G2E3: variants seen among roughly 807,000 people sequenced by gnomAD.
G2E3 encodes the protein G2/M-phase specific E3 ubiquitin protein ligase.
In G2E3, 35 loss-of-function variants were observed where a neutral mutation model predicts 92.8. The observed-to-expected ratio is 0.38, with a 90% confidence interval of 0.29 to 0.50. G2E3 has a LOEUF of 0.50. G2E3 is among the 20% of genes least tolerant of loss of function. The pLI is 0.94. For missense variants in G2E3, 554 were observed against 823.8 expected, an observed-to-expected ratio of 0.67 and a Z score of 4.01; for synonymous variants, 242 against 272.4, an observed-to-expected ratio of 0.89 and a Z score of 1.10.
At chr14:30,585,935 A>AT (rs1057086062) in intron 2 of G2E3, among the ~76,000 whole-genome samples, 18 of 152,166 alleles carry the variant, frequency 1.2e-4, no homozygotes, top group African/African-American at 4.1e-4. Context: ...TCCAGTTATT[A>AT]TGCAGAAGGT....
At chr14:30,609,882 G>A (rs1369880026) in intron 12 of G2E3, among the ~76,000 whole-genome samples, 1 of 151,966 alleles carries the variant, frequency 6.6e-6, no homozygotes, top group African/African-American at 2.4e-5. Context: ...CTGACTTATT[G>A]TCAACCTTTC....
At chr14:30,589,574 T>C in intron 4 of G2E3, 90 bp downstream of exon 4, 1 of 689,744 alleles carries the variant, frequency 1.4e-6, no homozygotes, top group Non-Finnish European at 2.5e-6. Flanking sequence ...TAGAAATTTA[T>C]GACTTTGATT....
intron 1 of G2E3, among the ~76,000 whole-genome samples, chr14:30,560,995 G>A (rs1377301296): frequency 6.6e-6 from 1 of 152,198 alleles, no homozygotes; most frequent in African/African-American, 2.4e-5. Flanking sequence ...TGGGCAAGCT[G>A]TTTAACCTCT....
intron 6 of G2E3, among the ~76,000 whole-genome samples, chr14:30,595,818 T>C (rs1268554401): frequency 2.0e-5 from 3 of 152,162 alleles, no homozygotes; most frequent in Non-Finnish European, 2.9e-5. Context: ...ACAAATAATA[T>C]ACATTGGGAT....
At chr14:30,610,909 A>G (rs1882058378) in intron 12 of G2E3, among the ~76,000 whole-genome samples, 1 of 152,220 alleles carries the variant, frequency 6.6e-6, no homozygotes, top group Non-Finnish European at 1.5e-5. Context: ...CTTTCACGCT[A>G]CAGTGGCAGA....
Position 30,618,032 on chromosome 14 carries a change from C to T in G2E3, c.*1498C>T, listed in dbSNP as rs1022263121. On this transcript the variant is annotated 3_prime_UTR_variant, in exon 15 of 15. Coordinates refer to ENST00000206595, the MANE Select transcript of G2E3 (RefSeq NM_017769.5). ...TCACCCTTCTTAAGAAAAATCATTA[C>T]ATTATTGATATTTTTTAAGTAACAG... 3 of 151,990 alleles carry T rather than the reference C, an allele frequency of 2.0e-5. No homozygotes were observed. Among genetic ancestry groups the T allele is most frequent in the African/African-American group, 7.2e-5 (3 of 41,416 alleles). 9.4% of individuals were successfully genotyped at this position (151,990 alleles called of 1,614,324 possible). A position where few individuals can be genotyped will look rare whatever the true frequency, so the allele number is the denominator to read the frequency against.
In G2E3 at chr14:30,601,214, C is replaced by G. The variant is rs540266673; in HGVS notation, c.753-556C>G. 3.3e-5 allele frequency among the ~76,000 whole-genome samples: 5 copies of G among 152,248 alleles called. No individual in the cohort carries two copies. The South Asian group carries it at 6.2e-4, about 19-fold the overall frequency. On this transcript the variant is annotated intron_variant, in intron 8 of 14. Transcript: ENST00000206595. ...CTACACTACAGCCCACACTTGTAGT[C>G]ATGGAGAAAATATGAATATGGACTG...
intron 10 of G2E3, among the ~76,000 whole-genome samples, chr14:30,603,750 T>C (rs1157382700): frequency 6.6e-6 from 1 of 152,096 alleles, no homozygotes; most frequent in African/African-American, 2.4e-5. Flanking sequence ...GAGGCTGAGG[T>C]GGGAGGATCA....
intron 1 of G2E3, among the ~76,000 whole-genome samples, chr14:30,572,198 C>T (rs1879805801): frequency 6.6e-6 from 1 of 152,078 alleles, no homozygotes; most frequent in South Asian, 2.1e-4. Flanking sequence ...TGTTTCATTA[C>T]AACTTGTTAA....
At chr14:30,570,764 G>C (rs1332170597) in intron 1 of G2E3, among the ~76,000 whole-genome samples, 1 of 152,040 alleles carries the variant, frequency 6.6e-6, no homozygotes, top group Non-Finnish European at 1.5e-5. Flanking sequence ...AGGTTTTTCT[G>C]TGTTTCTAGG....
At position 30,613,494 on chromosome 14, in the gene G2E3, A is replaced by G. The variant is rs184957378; in HGVS notation, c.1673+1115A>G. Among the ~76,000 whole-genome samples the G allele has an allele frequency of 5.9e-4, 90 of 152,168 alleles. 3 individuals carry two copies. Among genetic ancestry groups the G allele is most frequent in the Admixed American group, 5.5e-3 (84 of 15,292 alleles). On this transcript the variant is annotated intron_variant, in intron 13 of 14. Coordinates refer to ENST00000206595, the MANE Select transcript of G2E3 (RefSeq NM_017769.5). Reference sequence around the variant, plus strand: ...TGGTCTTTGTAAGCTTTTTTGCTATATGGTATCACAAGGTGTTTCAGACTC... The same window carrying G: ...TGGTCTTTGTAAGCTTTTTTGCTATGTGGTATCACAAGGTGTTTCAGACTC...
At position 30,618,831 on chromosome 14, in the gene G2E3, T is replaced by C. The variant is rs1203345265; in HGVS notation, c.*2297T>C. 6.6e-6 allele frequency: 1 copy of C among 152,096 alleles called. No homozygotes were observed. Among genetic ancestry groups the C allele is most frequent in the African/African-American group, 2.4e-5 (1 of 41,462 alleles). 9.4% of individuals were successfully genotyped at this position (152,096 alleles called of 1,614,324 possible). A position where few individuals can be genotyped will look rare whatever the true frequency, so the allele number is the denominator to read the frequency against. On this transcript the variant is annotated 3_prime_UTR_variant, in exon 15 of 15. Transcript: ENST00000206595. ...TGGTATTATAATTGTTCTTTTCTTA[T>C]TAATTTTATAACCAGTGCATAATTC...
intron 8 of G2E3, among the ~76,000 whole-genome samples, chr14:30,599,477 T>C (rs960375585): frequency 2.6e-5 from 4 of 152,184 alleles, no homozygotes; most frequent in African/African-American, 9.7e-5. Context: ...TCTGCCCGCC[T>C]CGGCCTCCCA....
intron 1 of G2E3, among the ~76,000 whole-genome samples, chr14:30,561,444 G>C (rs1369644686): frequency 6.6e-6 from 1 of 151,982 alleles, no homozygotes; most frequent in Non-Finnish European, 1.5e-5. Context: ...TCTTAGCTTT[G>C]CTTTTTATTT....
intron 6 of G2E3, 59 bp downstream of exon 6, chr14:30,593,698 T>C: frequency 8.4e-7 from 1 of 1,192,434 alleles, no homozygotes; most frequent in Non-Finnish European, 1.2e-6. Flanking sequence ...CTTGCTGATT[T>C]AAATTTTAAA....
intron 1 of G2E3, among the ~76,000 whole-genome samples, chr14:30,569,364 A>G (rs764608086): frequency 5.3e-4 from 81 of 152,140 alleles, no homozygotes; most frequent in Non-Finnish European, 1.1e-3. Flanking sequence ...TATCATCTCC[A>G]TTGGACACAA....
chr14:30,601,875 G>A lies in G2E3; in HGVS notation c.858G>A (p.Arg286=), dbSNP rs770967781. The A allele has an allele frequency of 1.6e-4, 252 of 1,613,108 alleles. No homozygotes were observed. Among genetic ancestry groups the A allele is most frequent in the Non-Finnish European group, 2.1e-4 (245 of 1,179,322 alleles). ...WEQNWECLEC[R]GIIYNSGEFQ... is the part of the protein sequence containing the mutation. ...AAAATTGGGAGTGTTTGGAATGTAG[G>A]GGTATTATCTACAATTCAGGTAATT... The change falls in exon 9 of 15, where the codon AGG becomes AGA. Residue 286 remains arginine, a synonymous_variant. Coordinates refer to ENST00000206595, the MANE Select transcript of G2E3 (RefSeq NM_017769.5).
chr14:30,605,600 C>A lies in G2E3; in HGVS notation c.1106C>A (p.Ala369Asp). The part of the protein sequence containing the change: ...KKTKRLYINK[A>D]NIWNSALDAF... ...ACTAAAAGATTGTATATCAACAAAG[C>A]CAATATCTGGAATAGTGCCTTAGAT... Residue 369 changes from alanine (A) to aspartate (D), a missense_variant, in exon 11 of 15, where the codon GCC becomes GAC. Ala to Asp is a moderately radical substitution (Grantham distance 126). Transcript: ENST00000206595. The A allele has an allele frequency of 1.9e-6, 3 of 1,559,332 alleles. No individual in the cohort carries two copies. The highest frequency in any genetic ancestry group is 2.6e-6 in the Non-Finnish European group (3 of 1,135,272).
At position 30,616,761 on chromosome 14, in the gene G2E3, A is replaced by G. The variant is rs1365510126; in HGVS notation, c.*227A>G. The G allele has an allele frequency of 1.3e-5, 5 of 379,616 alleles. No homozygotes were observed. Among genetic ancestry groups the G allele is most frequent in the South Asian group, 1.2e-4 (3 of 25,648 alleles). The allele number at this position is 379,616 out of a possible 1,614,324, so 23.5% of individuals were successfully genotyped here. On this transcript the variant is annotated 3_prime_UTR_variant, in exon 15 of 15. Transcript: ENST00000206595. Reference sequence around the variant, plus strand: ...GGTGATAATTTCTCATTTTCTTGATATAGATACTTCATAAACCTCAATATA... The same window carrying G: ...GGTGATAATTTCTCATTTTCTTGATGTAGATACTTCATAAACCTCAATATA...
Sources: allele counts gnomAD v4.1 joint callset (sites outside exome capture counted in the v4.1 genomes callset), GRCh38; gene constraint gnomAD v4.1.1; transcripts MANE v1.5; gene names NCBI Gene and HGNC (gene_info 2026-07-23, HGNC 2026-07-21).